The following GRXCR2 variants were observed in gnomAD, a reference collection of about 807,000 sequenced individuals.
The protein encoded by GRXCR2 is glutaredoxin and cysteine rich domain containing 2, also known as glutaredoxin domain-containing cysteine-rich protein 2.
A neutral mutation model predicts 24.8 loss-of-function variants in GRXCR2; 23 were observed. The ratio of observed to expected loss-of-function variants is 0.93; its 90% CI spans 0.67 to 1.32. The LOEUF (loss-of-function observed/expected upper bound fraction) is 1.32, where lower values mean the gene tolerates loss of function less well. GRXCR2 is among the 40% of genes most tolerant of loss of function. The pLI, the probability that GRXCR2 is intolerant of heterozygous loss-of-function variation, is 0.00. For synonymous variants in GRXCR2, 130 were observed against 116.1 expected, an observed-to-expected ratio of 1.12 and a Z score of -0.77; for missense variants, 315 against 303.4, an observed-to-expected ratio of 1.04 and a Z score of -0.28.
At chr5:145,893,587 C>A (rs1169421456) in intron 2 of GRXCR2, among the ~76,000 whole-genome samples, 1 of 152,128 alleles carries the variant, frequency 6.6e-6, no homozygotes, top group Non-Finnish European at 1.5e-5. Context: ...AGCTAACTAT[C>A]CTAAATATAT....
intron 2 of GRXCR2, among the ~76,000 whole-genome samples, chr5:145,929,286 T>A (rs925416062): frequency 8.0e-5 from 12 of 150,396 alleles, no homozygotes; most frequent in Admixed American, 7.3e-4. Flanking sequence ...TTCACTTTTA[T>A]AAGTAATGCT....
chr5:145,895,522 C>G (rs1462103269), intron 2 of GRXCR2, among the ~76,000 whole-genome samples: 1 of 152,032 alleles, frequency 6.6e-6, no homozygotes, highest in Non-Finnish European at 1.5e-5. Context: ...GAGTGAACTC[C>G]CATTTACTAT....
intron 2 of GRXCR2, among the ~76,000 whole-genome samples, chr5:145,881,879 A>G (rs1428759806): frequency 6.6e-6 from 1 of 152,194 alleles, no homozygotes; most frequent in East Asian, 1.9e-4. Context: ...ATCTACAACC[A>G]TCTGATCTTT....
chr5:145,886,077 A>G (rs1487489517), intron 2 of GRXCR2, among the ~76,000 whole-genome samples: 1 of 152,232 alleles, frequency 6.6e-6, no homozygotes, highest in African/African-American at 2.4e-5. Flanking sequence ...TAATTCTTTT[A>G]AAATGAGGCA....
intron 2 of GRXCR2, among the ~76,000 whole-genome samples, chr5:145,914,493 T>C (rs541350499): frequency 6.6e-6 from 1 of 151,890 alleles, no homozygotes; most frequent in East Asian, 1.9e-4. Context: ...CTGACCAACA[T>C]GGTGAAACTC....
chr5:145,861,344 C>T (rs892456612), intron 2 of GRXCR2, among the ~76,000 whole-genome samples: 5 of 152,272 alleles, frequency 3.3e-5, no homozygotes, highest in South Asian at 4.1e-4. Flanking sequence ...TCTCCTTAGC[C>T]GATTTAAATT....
chr5:145,908,634 G>A (rs1757121661), intron 2 of GRXCR2, among the ~76,000 whole-genome samples: 1 of 152,140 alleles, frequency 6.6e-6, no homozygotes, highest in East Asian at 1.9e-4. Flanking sequence ...GTATTTCTGA[G>A]GATTCCTTTC....
intron 2 of GRXCR2, among the ~76,000 whole-genome samples, chr5:145,903,271 T>A (rs572937541): frequency 1.2e-4 from 18 of 152,252 alleles, no homozygotes; most frequent in Non-Finnish European, 2.5e-4. Flanking sequence ...GAGACTTGTT[T>A]AAAAACTTCT....
Position 145,866,485 on chromosome 5 carries a change from A to G in GRXCR2, c.564+16T>C, listed in dbSNP as rs754911421. ...AGGGCCAGCTCCGAGCAGGACAGTC[A>G]AGCTCCCCAACGCACCTGTGTATAC... On this transcript the variant is annotated intron_variant, in intron 2 of 2. Coordinates refer to ENST00000377976, the MANE Select transcript of GRXCR2 (RefSeq NM_001080516.2). 2.5e-6 allele frequency: 4 copies of G among 1,595,736 alleles called. No individual in the cohort carries two copies. The African/African-American group carries it at 5.4e-5, about 21-fold the overall frequency.
At position 145,897,612 on chromosome 5, in the gene GRXCR2, TA is replaced by T. The variant is rs202197144; in HGVS notation, c.-69-30885del. 6.4e-3 allele frequency among the ~76,000 whole-genome samples: 969 copies of T among 152,028 alleles called. 10 individuals carry two copies. Among genetic ancestry groups the T allele is most frequent in the African/African-American group, 0.022 (916 of 41,500 alleles). On this transcript the variant is annotated intron_variant, in intron 2 of 3. Coordinates refer to the GRXCR2 transcript ENST00000639411. ...ATTCCAAAAAAAATCACAATTATAC[TA>T]ACCATACACTCAGACCACAGTGGAA...
chr5:145,879,257 T>C (rs1581337594), intron 2 of GRXCR2, among the ~76,000 whole-genome samples: 2 of 150,480 alleles, frequency 1.3e-5, no homozygotes, highest in South Asian at 4.2e-4. Context: ...GCAAATTGGA[T>C]AAAGAGTCAA....
At chr5:145,877,731 T>A (rs1285414683), upstream of GRXCR2, among the ~76,000 whole-genome samples, 1 of 152,144 alleles carries the variant, frequency 6.6e-6, no homozygotes, top group Admixed American at 6.6e-5. Context: ...GTGCAGCCCA[T>A]GGAGGGTGAG....
At chr5:145,926,932 G>A (rs1293926732) in intron 2 of GRXCR2, among the ~76,000 whole-genome samples, 1 of 152,120 alleles carries the variant, frequency 6.6e-6, no homozygotes, top group African/African-American at 2.4e-5. Flanking sequence ...TCTCATTGAA[G>A]AGGTCCTTCA....
chr5:145,896,263 A>G (rs1426956831), intron 2 of GRXCR2, among the ~76,000 whole-genome samples: 2 of 152,242 alleles, frequency 1.3e-5, no homozygotes, highest in East Asian at 3.8e-4. Flanking sequence ...AATGGCAACA[A>G]AAGCCAAAAT....
At position 145,859,457 on chromosome 5, in the gene GRXCR2, G is replaced by T; in HGVS notation, c.*276C>A. On this transcript the variant is annotated 3_prime_UTR_variant, in exon 3 of 3. Transcript: ENST00000377976. ...TGAAGCAAGAAGAAAACTGAGCTAAGTCAAGTGAGATACACTCACACCATC... is the reference window on the plus strand; with the variant it reads ...TGAAGCAAGAAGAAAACTGAGCTAATTCAAGTGAGATACACTCACACCATC... 1 of 457,250 alleles carries T rather than the reference G, an allele frequency of 2.2e-6. No individual in the cohort carries two copies. 28.3% of individuals were successfully genotyped at this position (457,250 alleles called of 1,614,324 possible).
chr5:145,877,508 A>T (rs2079826509), upstream of GRXCR2, among the ~76,000 whole-genome samples: 1 of 152,244 alleles, frequency 6.6e-6, no homozygotes, highest in South Asian at 2.1e-4. Context: ...CAGATTTATG[A>T]TACAAATTAA....
intron 2 of GRXCR2, among the ~76,000 whole-genome samples, chr5:145,931,032 G>GTTTGT (rs149684898): frequency 6.6e-6 from 1 of 152,000 alleles, no homozygotes; most frequent in South Asian, 2.1e-4. Flanking sequence ...CTTTTTGTCT[G>GTTTGT]TTTGTTTTGT....
At chr5:145,907,851 G>A (rs1237409306) in intron 2 of GRXCR2, among the ~76,000 whole-genome samples, 2 of 152,140 alleles carry the variant, frequency 1.3e-5, no homozygotes, top group Non-Finnish European at 1.5e-5. Context: ...TAGCAGATGT[G>A]GGGAAGACAG....
chr5:145,929,221 A>ATATATATATATATATATATATATG (rs1420245684), intron 2 of GRXCR2, among the ~76,000 whole-genome samples: 1 of 146,266 alleles, frequency 6.8e-6, no homozygotes, highest in Non-Finnish European at 1.5e-5. Flanking sequence ...ATATATATAT[A>ATATATATATATATATATATATATG]TATCACCATT....
Sources: gnomAD v4.1 joint callset for allele counts (sites outside exome capture counted in the v4.1 genomes callset) on GRCh38, gnomAD v4.1.1 for gene constraint, MANE v1.5 for transcripts, NCBI Gene and HGNC (gene_info 2026-07-23, HGNC 2026-07-21) for gene names.